Variants in DPYSL3 observed in about 807,000 individuals in gnomAD.
The protein encoded by DPYSL3 is dihydropyrimidinase-related protein 3.
DPYSL3 carries 16 observed loss-of-function variants against 66.1 expected under a neutral mutation model. The observed-to-expected ratio is 0.24, with a 90% confidence interval of 0.16 to 0.37. The LOEUF is 0.37. DPYSL3 is among the 10% of genes least tolerant of loss of function. The pLI is 1.00. For synonymous variants in DPYSL3, 338 were observed against 345.1 expected (o/e 0.98, Z 0.23); for missense variants, 738 against 916.2 (o/e 0.81, Z 2.51).
At chr5:147,468,719 T>G (rs1753043593) in intron 1 of DPYSL3, among the ~76,000 whole-genome samples, 1 of 151,826 alleles carries the variant, frequency 6.6e-6, no homozygotes, top group South Asian at 2.1e-4. Context: ...TTTTTTCTTA[T>G]ATATATGTAT....
In DPYSL3 at chr5:147,509,596, C is replaced by A; in HGVS notation, c.263G>T (p.Arg88Met). The A allele has an allele frequency of 6.5e-7, 1 of 1,535,522 alleles. No individual in the cohort carries two copies. The highest frequency in any genetic ancestry group is 8.7e-7 in the Non-Finnish European group (1 of 1,146,656). Residue 88 changes from arginine (R) to methionine (M), a missense_variant, in exon 1 of 14, where the codon AGG becomes ATG. Physicochemically the swap from Arg to Met is moderately conservative, Grantham distance 91. Transcript: ENST00000343218. This position sits in a 1 kb window ranked among gnomAD's most constrained non-coding sequence, Gnocchi z 5.3. The part of the protein sequence containing the change: ...RPGIEGDTPR[R>M]GQGREESREP... ...CCTGCTCTCTTCCCGGCCTTGGCCCCTGCGCGGGGTGTCCCCCTCGATCCC... is the reference window on the plus strand; with the variant it reads ...CCTGCTCTCTTCCCGGCCTTGGCCCATGCGCGGGGTGTCCCCCTCGATCCC...
rs192373621 is a variant in DPYSL3, at chr5:147,505,664, T to C, written c.381+3814A>G. Reference sequence around the variant, plus strand: ...GCTAGATACAAAGCATATTTTGATTTTACCAAGACACTTAAAATATCTTTT... The same window carrying C: ...GCTAGATACAAAGCATATTTTGATTCTACCAAGACACTTAAAATATCTTTT... On this transcript the variant is annotated intron_variant, in intron 1 of 13. Transcript: ENST00000343218. Among the ~76,000 whole-genome samples the C allele has an allele frequency of 2.6e-5, 4 of 152,322 alleles. No homozygotes were observed. In the East Asian group the frequency reaches 7.7e-4, roughly 29 times the overall value.
chr5:147,502,339 A>G (rs1753623377), intron 1 of DPYSL3, among the ~76,000 whole-genome samples: 1 of 151,466 alleles, frequency 6.6e-6, no homozygotes, highest in Non-Finnish European at 1.5e-5. Context: ...GAAATACTGC[A>G]TCTCCTCACT....
At chr5:147,453,841 G>T in intron 1 of DPYSL3, 1 of 1,027,734 alleles carries the variant, frequency 9.7e-7, no homozygotes, top group Non-Finnish European at 1.3e-6. Flanking sequence ...TTCACGCCCG[G>T]GTTTTGTTTT....
In DPYSL3 at chr5:147,396,987, TTATAA is replaced by T. The variant is rs1279522762; in HGVS notation, c.1803+674_1803+678del. On this transcript the variant is annotated intron_variant, in intron 12 of 13. Transcript: ENST00000343218. ...GTTTTTAATTATATTTATTGTATTG[TTATAA>T]TACAATACACAATACAATATAAATA... Among the ~76,000 whole-genome samples the T allele has an allele frequency of 3.4e-5, 5 of 147,866 alleles. No homozygotes were observed. In the East Asian group the frequency reaches 9.8e-4, roughly 29 times the overall value.
chr5:147,452,916 C>T (rs1434527948), intron 1 of DPYSL3, among the ~76,000 whole-genome samples: 1 of 150,508 alleles, frequency 6.6e-6, no homozygotes, highest in African/African-American at 2.5e-5. Flanking sequence ...CACACACACA[C>T]ACACACACAC....
intron 13 of DPYSL3, among the ~76,000 whole-genome samples, chr5:147,394,880 C>T (rs1280242451): frequency 1.3e-5 from 2 of 152,112 alleles, no homozygotes; most frequent in African/African-American, 4.8e-5. Flanking sequence ...CTTTAAATGT[C>T]TTTCTTTTCT....
chr5:147,441,875 A>G (rs2126372826), intron 1 of DPYSL3, among the ~76,000 whole-genome samples: 1 of 152,336 alleles, frequency 6.6e-6, no homozygotes, highest in South Asian at 2.1e-4. Context: ...AATGAAAAGG[A>G]AACAAACAGA....
chr5:147,415,866 A>G lies in DPYSL3; in HGVS notation c.663T>C (p.His221=), dbSNP rs374737256. 1.9e-5 allele frequency: 31 copies of G among 1,613,598 alleles called. No homozygotes were observed. The highest frequency in any genetic ancestry group is 1.3e-4 in the African/African-American group (10 of 75,002). ...GGCTGGACTCAGGCTCAGGCACCAC[A>G]TGGTCAACTGAATGACAGAGACCCC... ...LAGGTTMIID[H]VVPEPESSLT... Residue 221 remains histidine (H), a synonymous_variant, in exon 4 of 14, where the codon CAT becomes CAC. Coordinates refer to ENST00000343218, the MANE Select transcript of DPYSL3 (RefSeq NM_001197294.2).
chr5:147,403,815 G>A (rs1045335695), intron 8 of DPYSL3, among the ~76,000 whole-genome samples: 10 of 152,156 alleles, frequency 6.6e-5, no homozygotes, highest in African/African-American at 2.4e-4. Context: ...TCAGCAGCCA[G>A]TTTTTCATCC....
intron 1 of DPYSL3, among the ~76,000 whole-genome samples, chr5:147,465,308 C>G (rs561636549): frequency 6.6e-6 from 1 of 152,274 alleles, no homozygotes; most frequent in South Asian, 2.1e-4. Context: ...ACCCAGGTCT[C>G]TCTTTTTTTT....
In DPYSL3 at chr5:147,509,558, C is replaced by G. The variant is rs1489722329; in HGVS notation, c.301G>C (p.Ala101Pro). The part of the protein sequence containing the change: ...GREESREPAP[A>P]SPAPAGVEIR... ...TCTACCCCGGCGGGGGCGGGGGAGGCGGGCGCGGGCTCCCTGCTCTCTTCC... is the reference window on the plus strand; with the variant it reads ...TCTACCCCGGCGGGGGCGGGGGAGGGGGGCGCGGGCTCCCTGCTCTCTTCC... Residue 101 changes from alanine to proline, a missense_variant, in exon 1 of 14, where the codon GCC becomes CCC. Physicochemically the swap from Ala to Pro is conservative, Grantham distance 27. Transcript: ENST00000343218. This position sits in a 1 kb window ranked among gnomAD's most constrained non-coding sequence, Gnocchi z 5.3. 2 of 1,534,920 alleles carry G rather than the reference C, an allele frequency of 1.3e-6. No individual in the cohort carries two copies. Among genetic ancestry groups the G allele is most frequent in the African/African-American group, 1.4e-5 (1 of 73,124 alleles).
intron 1 of DPYSL3, among the ~76,000 whole-genome samples, chr5:147,481,398 C>T (rs1050567248): frequency 6.6e-6 from 1 of 152,116 alleles, no homozygotes; most frequent in Non-Finnish European, 1.5e-5. Flanking sequence ...AACAAATTAG[C>T]CTGTTACTAT....
chr5:147,477,122 A>G (rs1219839429), intron 1 of DPYSL3, among the ~76,000 whole-genome samples: 3 of 152,234 alleles, frequency 2.0e-5, no homozygotes, highest in Admixed American at 2.0e-4. Context: ...AAAATTCCCA[A>G]TTCAGATAAT....
chr5:147,405,208 C>T (rs532791342), intron 8 of DPYSL3, among the ~76,000 whole-genome samples: 1 of 152,314 alleles, frequency 6.6e-6, no homozygotes, highest in Admixed American at 6.5e-5. Flanking sequence ...GAAACACCTA[C>T]AATCGGTTAT....
intron 1 of DPYSL3, among the ~76,000 whole-genome samples, chr5:147,480,184 G>A (rs1301951002): frequency 6.6e-6 from 1 of 152,182 alleles, no homozygotes; most frequent in East Asian, 1.9e-4. Flanking sequence ...CCGTTTGCCT[G>A]TTCCTGCCAG....
intron 1 of DPYSL3, among the ~76,000 whole-genome samples, chr5:147,448,549 G>T (rs542804031): frequency 6.6e-6 from 1 of 152,186 alleles, no homozygotes; most frequent in Non-Finnish European, 1.5e-5. Flanking sequence ...AAGTAGTTGA[G>T]ATTTTATAAA....
chr5:147,455,028 T>G (rs1752819936), intron 1 of DPYSL3, among the ~76,000 whole-genome samples: 3 of 152,220 alleles, frequency 2.0e-5, no homozygotes. Context: ...ATCTTAATGT[T>G]CTATTAAATA....
At chr5:147,398,047 G>A (rs1032153086) in intron 11 of DPYSL3, among the ~76,000 whole-genome samples, 1 of 152,144 alleles carries the variant, frequency 6.6e-6, no homozygotes, top group Non-Finnish European at 1.5e-5. Flanking sequence ...CTAGCAAAAA[G>A]AAGTGTCCGG....
Sources: gnomAD v4.1 joint callset for allele counts (sites outside exome capture counted in the v4.1 genomes callset) on GRCh38, gnomAD v4.1.1 for gene constraint, Gnocchi (gnomAD v3.1) non-coding constraint, MANE v1.5 for transcripts, NCBI Gene and HGNC (gene_info 2026-07-23, HGNC 2026-07-21) for gene names.